The following GRAMD1B variants were observed in gnomAD, a reference collection of about 807,000 sequenced individuals.
GRAMD1B encodes protein Aster-B.
Under a neutral mutation model 99.7 loss-of-function variants are expected in GRAMD1B, and 37 were observed. The ratio of observed to expected loss-of-function variants is 0.37; its 90% CI spans 0.29 to 0.49. The LOEUF is 0.49. Among genes scored for constraint, GRAMD1B ranks in the 20% least tolerant of loss-of-function variants. The probability of loss-of-function intolerance (pLI) is 0.98; values close to 1 mark genes in which losing one functional copy is unlikely to be tolerated. For missense variants in GRAMD1B, 888 were observed against 1,009.2 expected (o/e 0.88, Z 1.63); for synonymous variants, 427 against 387.6 (o/e 1.10, Z -1.19).
chr11:123,611,737 C>T lies in GRAMD1B; in HGVS notation c.1920-1024C>T, dbSNP rs568206112. On this transcript the variant is annotated intron_variant, in intron 14 of 19. Coordinates refer to ENST00000635736, the MANE Select transcript of GRAMD1B (RefSeq NM_001387025.1). ...AGGTGCCCATCCACGATGCAGTCAG[C>T]GGTTGTTGAGTTGGGGAGTGACATG... Among the ~76,000 whole-genome samples the T allele has an allele frequency of 4.4e-4, 67 of 152,142 alleles. No individual in the cohort carries two copies. The South Asian group carries it at 0.013, about 29-fold the overall frequency.
At chr11:123,556,238 C>A (rs1019007271) in intron 2 of GRAMD1B, among the ~76,000 whole-genome samples, 7 of 152,218 alleles carry the variant, frequency 4.6e-5, no homozygotes, top group African/African-American at 1.7e-4. Flanking sequence ...GCCTATCATT[C>A]TCCATGATTC....
chr11:123,558,496 C>T (rs1210059468), intron 2 of GRAMD1B, among the ~76,000 whole-genome samples: 1 of 152,182 alleles, frequency 6.6e-6, no homozygotes, highest in African/African-American at 2.4e-5. Context: ...ACTTCATCAT[C>T]TTTTCAACAG....
Position 123,596,449 on chromosome 11 carries a change from G to A in GRAMD1B, c.969+412G>A, listed in dbSNP as rs187164398. ...GAAGTCGTCATTATGTATCAGCTTAGCTGATTATCTCTCAAGAGGATGGGG... is the reference window on the plus strand; with the variant it reads ...GAAGTCGTCATTATGTATCAGCTTAACTGATTATCTCTCAAGAGGATGGGG... On this transcript the variant is annotated intron_variant, in intron 7 of 19. Coordinates refer to ENST00000635736, the MANE Select transcript of GRAMD1B (RefSeq NM_001387025.1). Among the ~76,000 whole-genome samples the A allele has an allele frequency of 5.3e-3, 814 of 152,352 alleles. 4 individuals are homozygous for A. The highest frequency in any genetic ancestry group is 0.014 in the Middle Eastern group (4 of 294).
At chr11:123,603,402 A>G in intron 8 of GRAMD1B, 24 bp from the exon 9 acceptor site, 3 of 1,404,170 alleles carry the variant, frequency 2.1e-6, no homozygotes, top group Non-Finnish European at 3.0e-6. Flanking sequence ...AGCAAGGCTC[A>G]GTCGTTCCTT....
intron 19 of GRAMD1B, 184 bp downstream of exon 19, chr11:123,619,408 A>G: frequency 6.9e-7 from 1 of 1,443,758 alleles, no homozygotes; most frequent in Non-Finnish European, 9.1e-7. Context: ...CTAGAAATGC[A>G]GGTGTATTCT....
intron 1 of GRAMD1B, among the ~76,000 whole-genome samples, chr11:123,448,313 C>T (rs1460770808): frequency 6.6e-6 from 1 of 152,050 alleles, no homozygotes; most frequent in Admixed American, 6.5e-5. Context: ...AGTGCAGTGG[C>T]CCAATCTCGG....
At chr11:123,565,062 C>G (rs985612478) in intron 2 of GRAMD1B, among the ~76,000 whole-genome samples, 2 of 152,148 alleles carry the variant, frequency 1.3e-5, no homozygotes, top group African/African-American at 4.8e-5. Flanking sequence ...GAGAAAGGAT[C>G]TCACTCTGTT....
intron 2 of GRAMD1B, among the ~76,000 whole-genome samples, chr11:123,543,508 G>A (rs1944752835): frequency 1.3e-5 from 2 of 152,318 alleles, no homozygotes; most frequent in South Asian, 4.1e-4. Flanking sequence ...CTTATGGGCA[G>A]CTCCCACTGT....
At chr11:123,462,999 T>A (rs1203570950) in intron 1 of GRAMD1B, among the ~76,000 whole-genome samples, 1 of 151,698 alleles carries the variant, frequency 6.6e-6, no homozygotes, top group Non-Finnish European at 1.5e-5. Context: ...TCATCTTTAT[T>A]ATTTATTTAT....
chr11:123,585,740 C>T (rs567370668), intron 4 of GRAMD1B, among the ~76,000 whole-genome samples: 73 of 152,334 alleles, frequency 4.8e-4, no homozygotes, highest in Non-Finnish European at 9.4e-4. Flanking sequence ...TAAGCAGCAT[C>T]GCACAAACTC....
Position 123,457,117 on chromosome 11 carries a change from A to AGAAAGAAAGAAAG in GRAMD1B, c.375-23699_375-23698insGAAAGAAAGAAAG. Among the ~76,000 whole-genome samples the AGAAAGAAAGAAAG allele has an allele frequency of 3.7e-4, 37 of 99,360 alleles. 4 individuals carry two copies. The highest frequency in any genetic ancestry group is 1.0e-3 in the South Asian group (3 of 2,904). 65.2% of individuals were successfully genotyped at this position (99,360 alleles called of 152,430 possible). On this transcript the variant is annotated intron_variant, in intron 1 of 19. Transcript: ENST00000635736. ...ACAGAGAGAGACCCTTTCTGAGAAA[A>AGAAAGAAAGAAAG]AAAGAAAGAAAGAAAGAAAGAATTA...
At chr11:123,565,492 G>T (rs560184934) in intron 2 of GRAMD1B, among the ~76,000 whole-genome samples, 25 of 152,344 alleles carry the variant, frequency 1.6e-4, no homozygotes, top group African/African-American at 6.0e-4. Context: ...AAAGATTCTT[G>T]CTTAATGACA....
chr11:123,482,592 T>TTTTA (rs1190167671), intron 2 of GRAMD1B, among the ~76,000 whole-genome samples: 1 of 152,214 alleles, frequency 6.6e-6, no homozygotes, highest in South Asian at 2.1e-4. Context: ...CTTTGAAAGT[T>TTTTA]TTTAATTCAT....
chr11:123,389,248 G>A (rs1406755777), intron 1 of GRAMD1B, among the ~76,000 whole-genome samples: 2 of 152,068 alleles, frequency 1.3e-5, no homozygotes, highest in Non-Finnish European at 2.9e-5. Flanking sequence ...GCCAGGCCTG[G>A]TGGTGGGCAC....
intron 1 of GRAMD1B, among the ~76,000 whole-genome samples, chr11:123,477,619 C>T (rs1951353352): frequency 7.0e-6 from 1 of 142,236 alleles, no homozygotes; most frequent in African/African-American, 2.6e-5. Flanking sequence ...CTTCCTTTCC[C>T]TCTCTCTCCC....
chr11:123,548,291 AATATATATATATAT>A (rs139996126), intron 2 of GRAMD1B, among the ~76,000 whole-genome samples: 1,488 of 75,174 alleles, frequency 0.02, 109 homozygotes, highest in Admixed American at 0.16. Context: ...GCTGTGCCAA[AATATATATATATAT>A]ATATATATAT....
chr11:123,424,177 T>C (rs1482710446), intron 1 of GRAMD1B, among the ~76,000 whole-genome samples: 1 of 151,292 alleles, frequency 6.6e-6, no homozygotes, highest in Non-Finnish European at 1.5e-5. Flanking sequence ...TCTGCTTTTT[T>C]CTCCAATTCA....
chr11:123,509,147 A>T (rs1346705450), intron 2 of GRAMD1B, among the ~76,000 whole-genome samples: 2 of 152,124 alleles, frequency 1.3e-5, no homozygotes, highest in Non-Finnish European at 2.9e-5. Flanking sequence ...TCTGAGGGTA[A>T]AGTCTACATG....
intron 1 of GRAMD1B, among the ~76,000 whole-genome samples, chr11:123,383,880 A>G (rs59715108): frequency 0.1 from 14,992 of 150,324 alleles, 2,051 homozygotes; most frequent in African/African-American, 0.31. Context: ...TTATTTATTC[A>G]TTTCTTTTGA....
Sources: gnomAD v4.1 joint callset for allele counts (sites outside exome capture counted in the v4.1 genomes callset) on GRCh38, gnomAD v4.1.1 for gene constraint, MANE v1.5 for transcripts, NCBI Gene and HGNC (gene_info 2026-07-23, HGNC 2026-07-21) for gene names.